Variants in CSMD2 observed in about 807,000 individuals in gnomAD.
CSMD2 encodes the protein CUB and Sushi multiple domains 2.
A neutral mutation model predicts 398.5 loss-of-function variants in CSMD2; 130 were observed. The ratio of observed to expected loss-of-function variants is 0.33; its 90% CI spans 0.28 to 0.38. The LOEUF is 0.38. CSMD2 is among the 10% of genes least tolerant of loss of function. CSMD2 has a pLI of 1.00. For synonymous variants in CSMD2, 1,828 were observed against 1,908.5 expected (o/e 0.96, Z 1.10); for missense variants, 3,829 against 4,764.9 (o/e 0.80, Z 5.78).
At chr1:33,802,314 A>T (rs1050965165) in intron 10 of CSMD2, among the ~76,000 whole-genome samples, 13 of 151,876 alleles carry the variant, frequency 8.6e-5, no homozygotes, top group Admixed American at 8.5e-4. Flanking sequence ...TATTTCCCTT[A>T]CTCCTAGTTT....
chr1:34,133,155 C>G (rs1469349180), intron 1 of CSMD2, among the ~76,000 whole-genome samples: 1 of 152,228 alleles, frequency 6.6e-6, no homozygotes, highest in Non-Finnish European at 1.5e-5. Flanking sequence ...TACCACCTCT[C>G]TCCCTCTTTT....
rs895571325 is a variant in CSMD2, at chr1:33,870,276, A to G, written c.921-23280T>C. The G allele has an allele frequency of 2.6e-5, 4 of 152,290 alleles. No homozygotes were observed. In the South Asian group the frequency reaches 8.3e-4, roughly 32 times the overall value. The allele number at this position is 152,290 out of a possible 1,614,324, so 9.4% of individuals were successfully genotyped here. ...GCCTGGGACATCATCGTTAAGTGGC[A>G]TCTGATGCATAAGCAGTGCCCTAGG... On this transcript the variant is annotated intron_variant, in intron 5 of 70. Transcript: ENST00000373381.
At chr1:33,570,230 C>T (rs549335217) in intron 51 of CSMD2, among the ~76,000 whole-genome samples, 5 of 147,170 alleles carry the variant, frequency 3.4e-5, no homozygotes, top group Non-Finnish European at 7.4e-5. Flanking sequence ...TGCAGTGGCA[C>T]AGTCTTGGCT....
At chr1:33,921,378 GA>G (rs1374747982) in intron 4 of CSMD2, among the ~76,000 whole-genome samples, 3 of 149,010 alleles carry the variant, frequency 2.0e-5, no homozygotes, top group African/African-American at 7.8e-5. Context: ...AATTCACCAT[GA>G]ACATTACCAG....
At chr1:34,148,489 T>C (rs1346914367) in intron 1 of CSMD2, among the ~76,000 whole-genome samples, 3 of 152,116 alleles carry the variant, frequency 2.0e-5, no homozygotes, top group Non-Finnish European at 4.4e-5. Flanking sequence ...ACTTGACGTG[T>C]AATTCATTCA....
At chr1:33,957,045 C>T (rs973972015) in intron 3 of CSMD2, among the ~76,000 whole-genome samples, 2 of 151,996 alleles carry the variant, frequency 1.3e-5, no homozygotes, top group Admixed American at 6.5e-5. Context: ...CTTGCATTCA[C>T]CTATCACCTC....
chr1:34,130,567 G>A (rs970001386), intron 1 of CSMD2, among the ~76,000 whole-genome samples: 2 of 151,996 alleles, frequency 1.3e-5, no homozygotes, highest in African/African-American at 4.8e-5. Flanking sequence ...AGGGGTGACC[G>A]AATCAGATCT....
chr1:33,604,097 G>C (rs1304829722), intron 42 of CSMD2, among the ~76,000 whole-genome samples: 2 of 152,204 alleles, frequency 1.3e-5, no homozygotes, highest in Non-Finnish European at 2.9e-5. Flanking sequence ...AGGGAAGAAG[G>C]CTTCTGAGGA....
chr1:33,541,274 C>T lies in CSMD2; in HGVS notation c.9313G>A (p.Gly3105Ser). ...CTGAAGTCATTGCCCAGCCGAAGGCCATTGGCTGGAATCCCAGGGTCACCA... is the reference window on the plus strand; with the variant it reads ...CTGAAGTCATTGCCCAGCCGAAGGCTATTGGCTGGAATCCCAGGGTCACCA... Reference protein sequence around the residue: ...NCGDPGIPANGLRLGNDFRYN... With the variant: ...NCGDPGIPANSLRLGNDFRYN... Residue 3105 changes from glycine to serine, a missense_variant, in exon 59 of 71, where the codon GGC becomes AGC. Physicochemically the swap from Gly to Ser is moderately conservative, Grantham distance 56 (BLOSUM62 0). Coordinates refer to ENST00000373381, the MANE Select transcript of CSMD2 (RefSeq NM_001281956.2). 6.2e-7 allele frequency: 1 copy of T among 1,614,126 alleles called. No individual in the cohort carries two copies. Among genetic ancestry groups the T allele is most frequent in the Non-Finnish European group, 8.5e-7 (1 of 1,180,016 alleles).
intron 37 of CSMD2, among the ~76,000 whole-genome samples, chr1:33,618,398 A>G (rs1305798371): frequency 6.6e-6 from 1 of 152,094 alleles, no homozygotes; most frequent in Admixed American, 6.5e-5. Flanking sequence ...CTCCTTGCTC[A>G]GTGATTTGAA....
rs753053407 is a variant in CSMD2 at position 33,586,662 on chromosome 1, T to C, written c.6938-45A>G. 3 of 1,282,960 alleles carry C rather than the reference T, an allele frequency of 2.3e-6. No individual in the cohort carries two copies. The South Asian group carries it at 3.6e-5, about 15-fold the overall frequency. 79.5% of individuals were successfully genotyped at this position (1,282,960 alleles called of 1,614,324 possible). ...ATGTAGACCCTCTTAAGAAGTCCAG[T>C]CATTAGTACCTTGAACCCACTTCCA... On this transcript the variant is annotated intron_variant, in intron 45 of 70. Coordinates refer to ENST00000373381, the MANE Select transcript of CSMD2 (RefSeq NM_001281956.2).
Position 33,864,593 on chromosome 1 carries a change from G to A in CSMD2, c.921-17597C>T, listed in dbSNP as rs139609593. The stretch of plus-strand genomic sequence containing the variant: ...CCACAGGGAAGATGTGGTCAACAGC[G>A]ACAGACCTGGAGAAGCACCCTTATG... On this transcript the variant is annotated intron_variant, in intron 5 of 70. Transcript: ENST00000373381. 5.3e-5 allele frequency: 85 copies of A among 1,613,996 alleles called. 1 individual carries two copies. In the East Asian group the frequency reaches 8.7e-4, roughly 17 times the overall value.
At chr1:33,721,728 G>A (rs1320425569) in intron 19 of CSMD2, among the ~76,000 whole-genome samples, 1 of 152,218 alleles carries the variant, frequency 6.6e-6, no homozygotes, top group East Asian at 1.9e-4. Flanking sequence ...CCTGGGTAGG[G>A]CAGGCCTAGT....
At chr1:34,095,767 A>C (rs1166590087) in intron 1 of CSMD2, among the ~76,000 whole-genome samples, 1 of 150,876 alleles carries the variant, frequency 6.6e-6, no homozygotes, top group Non-Finnish European at 1.5e-5. Context: ...GGCAATAATC[A>C]ATAGCTTACC....
Position 33,724,237 on chromosome 1 carries a change from G to C in CSMD2, c.2961C>G (p.Asn987Lys). The change falls in exon 19 of 71, where the codon AAC becomes AAG. Residue 987 changes from asparagine to lysine, a missense_variant. This residue lies in a region of CSMD2 where 2,001 missense variants were observed against 2,567.1 expected (regional missense o/e 0.78). Coordinates refer to ENST00000373381, the MANE Select transcript of CSMD2 (RefSeq NM_001281956.2). ...TTTCGATAATCCAGGTGCAGTTCAA[G>C]TTGTTGGGGTAGAAGTCAGGGAACC... ...SPGFPDFYPN[N>K]LNCTWIIETS... is the part of the protein sequence containing the mutation. 1 of 1,613,986 alleles carries C rather than the reference G, an allele frequency of 6.2e-7. No homozygotes were observed. The highest frequency in any genetic ancestry group is 8.5e-7 in the Non-Finnish European group (1 of 1,179,898).
At chr1:33,543,781 T>C (rs1656590424) in intron 57 of CSMD2, among the ~76,000 whole-genome samples, 1 of 152,260 alleles carries the variant, frequency 6.6e-6, no homozygotes, top group Non-Finnish European at 1.5e-5. Flanking sequence ...TACCCTGAAA[T>C]ACTGTTCATA....
intron 4 of CSMD2, among the ~76,000 whole-genome samples, chr1:33,923,794 C>A (rs1644030831): frequency 6.6e-6 from 1 of 152,152 alleles, no homozygotes; most frequent in African/African-American, 2.4e-5. Flanking sequence ...CTGTTAGAAC[C>A]TGGGCTGCAC....
intron 53 of CSMD2, among the ~76,000 whole-genome samples, chr1:33,563,468 T>G (rs559902176): frequency 6.6e-6 from 1 of 152,184 alleles, no homozygotes; most frequent in Middle Eastern, 3.4e-3. Context: ...GGAGAAGCTA[T>G]TTTCTGATGG....
chr1:33,930,413 T>C (rs186644481), intron 4 of CSMD2, among the ~76,000 whole-genome samples: 1 of 152,276 alleles, frequency 6.6e-6, no homozygotes. Flanking sequence ...GCAGGTTTCT[T>C]CCCCTGGGGC....
Sources: gnomAD v4.1 joint callset for allele counts (sites outside exome capture counted in the v4.1 genomes callset) on GRCh38, gnomAD v4.1.1 for gene constraint, gnomAD v4.1.1 regional missense constraint, MANE v1.5 for transcripts, NCBI Gene and HGNC (gene_info 2026-07-23, HGNC 2026-07-21) for gene names.